CEP72: variants seen among roughly 807,000 people sequenced by gnomAD.
CEP72 encodes centrosomal protein 72.
CEP72 carries 78 observed loss-of-function variants against 65.7 expected under a neutral mutation model. The observed-to-expected ratio is 1.19, with a 90% CI of 0.99 to 1.43. The LOEUF (loss-of-function observed/expected upper bound fraction) is 1.43. Ranked by LOEUF, CEP72 falls within the 40% of genes most tolerant of loss-of-function variation. CEP72 has a pLI of 0.00. For missense variants in CEP72, 914 were observed against 832.9 expected (o/e 1.10, Z -1.20); for synonymous variants, 358 against 351.7 (o/e 1.02, Z -0.20).
downstream of CEP72, among the ~76,000 whole-genome samples, chr5:658,720 G>A (rs1023575051): frequency 8.0e-6 from 1 of 124,302 alleles, no homozygotes; most frequent in African/African-American, 3.1e-5. Flanking sequence ...CCAGGCTGGA[G>A]TGCAGTGGCG....
chr5:647,952 G>T, intron 11 of CEP72, 36 bp downstream of exon 11: 1 of 1,472,398 alleles, frequency 6.8e-7, no homozygotes, highest in East Asian at 2.3e-5. Context: ...GCCCCCGAGG[G>T]GAGGAGGCCC....
downstream of CEP72, among the ~76,000 whole-genome samples, chr5:671,914 G>C: frequency 6.6e-6 from 1 of 152,222 alleles, no homozygotes; most frequent in East Asian, 1.9e-4. Flanking sequence ...CCACGGGGGA[G>C]GGGGAGGGGA....
At position 653,040 on chromosome 5, in the gene CEP72, G is replaced by A. The variant is rs933066491; in HGVS notation, c.1831G>A (p.Ala611Thr). 1.9e-6 allele frequency: 3 copies of A among 1,613,826 alleles called. No individual in the cohort carries two copies. Reference sequence around the variant, plus strand: ...GCTGCAGGAGCTGAGCCAGGTGCGGGCGCAGCACAGAGCCGAGGTGGAGCA... The same window carrying A: ...GCTGCAGGAGCTGAGCCAGGTGCGGACGCAGCACAGAGCCGAGGTGGAGCA... The part of the protein sequence containing the change: ...HLLQELSQVR[A>T]QHRAEVEQMH... The change falls in exon 12 of 12, where the codon GCG becomes ACG. Residue 611 changes from alanine to threonine, a missense_variant. Physicochemically the swap from Ala to Thr is moderately conservative, Grantham distance 58 (BLOSUM62 0). Coordinates refer to ENST00000264935, the MANE Select transcript of CEP72 (RefSeq NM_018140.4).
In CEP72 at chr5:653,328, G is replaced by A. The variant is rs917436281; in HGVS notation, c.*175G>A. The A allele has an allele frequency of 3.4e-5, 19 of 551,822 alleles. No individual in the cohort carries two copies. The highest frequency in any genetic ancestry group is 2.8e-4 in the East Asian group (9 of 32,374). 34.2% of individuals were successfully genotyped at this position (551,822 alleles called of 1,614,324 possible). ...GTAGCTTGGTTTTCTAAAGCACCTC[G>A]TAAAATGATATGATTACTCCAAGCC... On this transcript the variant is annotated 3_prime_UTR_variant, in exon 12 of 12. Coordinates refer to ENST00000264935, the MANE Select transcript of CEP72 (RefSeq NM_018140.4).
chr5:634,838 G>A (rs1561044318), intron 5 of CEP72, among the ~76,000 whole-genome samples: 1 of 152,182 alleles, frequency 6.6e-6, no homozygotes, highest in African/African-American at 2.4e-5. Flanking sequence ...GTGCTTTGAA[G>A]AGCACAAGTT....
At chr5:672,479 C>A in the CEP72 span, among the ~76,000 whole-genome samples, 1 of 152,272 alleles carries the variant, frequency 6.6e-6, no homozygotes, top group African/African-American at 2.4e-5. Context: ...CAGCTGAGAC[C>A]GCAGCCCAGC....
chr5:667,943 T>C (rs60805661), downstream of CEP72, among the ~76,000 whole-genome samples: 29 of 38,030 alleles, frequency 7.6e-4, 2 homozygotes, highest in African/African-American at 2.9e-3. Flanking sequence ...GAGGGGGCCG[T>C]GTGGGCGCCG....
At chr5:648,700 AAT>A (rs1738627790) in intron 11 of CEP72, among the ~76,000 whole-genome samples, 1 of 97,720 alleles carries the variant, frequency 1.0e-5, no homozygotes, top group Non-Finnish European at 2.0e-5. Context: ...GTGAGGCGTG[AAT>A]GTGAGGCGTG....
intron 1 of CEP72, chr5:663,055 G>A (rs1278042460): frequency 6.6e-6 from 1 of 151,208 alleles, no homozygotes; most frequent in African/African-American, 2.5e-5. Context: ...CTGCTCGTCT[G>A]TGATCGGGTG....
downstream of CEP72, among the ~76,000 whole-genome samples, chr5:668,730 A>G (rs528734785): frequency 6.6e-6 from 1 of 152,358 alleles, no homozygotes; most frequent in African/African-American, 2.4e-5. Flanking sequence ...ACATAAACGC[A>G]AATGTTTACC....
chr5:626,523 T>G (rs905959918), intron 4 of CEP72, among the ~76,000 whole-genome samples: 1 of 152,242 alleles, frequency 6.6e-6, no homozygotes, highest in Non-Finnish European at 1.5e-5. Flanking sequence ...TGAAGGATTT[T>G]CAAACATTGA....
At chr5:675,766 G>C in the CEP72 span, 986 of 152,654 alleles carry the variant, frequency 6.5e-3, 9 homozygotes, top group Non-Finnish European at 9.0e-3. Flanking sequence ...TCCTGGGTTA[G>C]TGTGGGCTCC....
Position 625,387 on chromosome 5 carries a change from A to T in CEP72, c.512+808A>T, listed in dbSNP as rs556063404. 3.2e-4 allele frequency among the ~76,000 whole-genome samples: 49 copies of T among 152,174 alleles called. No homozygotes were observed. In the South Asian group the frequency reaches 9.9e-3, roughly 31 times the overall value. On this transcript the variant is annotated intron_variant, in intron 4 of 11. Transcript: ENST00000264935. ...CTCATTTTAAACTCCTAGTGCAGGG[A>T]TCAGTCAGCTTTTTTGTGTGAATGT...
intron 11 of CEP72, among the ~76,000 whole-genome samples, chr5:651,443 A>G (rs772528618): frequency 6.6e-6 from 1 of 151,854 alleles, no homozygotes; most frequent in Non-Finnish European, 1.5e-5. Flanking sequence ...TGACCAGGGG[A>G]GAGAGGTGCA....
rs1488433188 is a variant in CEP72, at chr5:653,396, C to A, written c.*243C>A. On this transcript the variant is annotated 3_prime_UTR_variant, in exon 12 of 12. Transcript: ENST00000264935. ...CAGAACACATTGACATATTTTGAGACAAACTGACTATTAATCTTGTATCCA... is the reference window on the plus strand; with the variant it reads ...CAGAACACATTGACATATTTTGAGAAAAACTGACTATTAATCTTGTATCCA... The A allele has an allele frequency of 1.8e-5, 7 of 380,960 alleles. No individual in the cohort carries two copies. The highest frequency in any genetic ancestry group is 3.3e-5 in the Non-Finnish European group (7 of 213,890). 23.6% of individuals were successfully genotyped at this position (380,960 alleles called of 1,614,324 possible).
chr5:671,520 G>C (rs1243996192), downstream of CEP72, among the ~76,000 whole-genome samples: 1 of 152,228 alleles, frequency 6.6e-6, no homozygotes, highest in Non-Finnish European at 1.5e-5. Context: ...AGGCTCATGG[G>C]GCAAAGTGGA....
At chr5:669,889 C>T (rs115963004), downstream of CEP72, among the ~76,000 whole-genome samples, 1,503 of 152,302 alleles carry the variant, frequency 9.9e-3, 31 homozygotes, top group African/African-American at 0.034. Context: ...CTGCCCGGCT[C>T]TCCTGACATA....
intron 4 of CEP72, among the ~76,000 whole-genome samples, chr5:628,753 A>AGCTTCTGGAGAACTCTGGTTGCC (rs1561037473): frequency 8.7e-5 from 4 of 45,800 alleles, no homozygotes; most frequent in African/African-American, 5.8e-4. Flanking sequence ...CTCAGGTTGC[A>AGCTTCTGGAGAACTCTGGTTGCC]GTCCCCGGGG....
At chr5:636,782 C>A (rs1328284223) in intron 6 of CEP72, among the ~76,000 whole-genome samples, 1 of 150,162 alleles carries the variant, frequency 6.7e-6, no homozygotes, top group Non-Finnish European at 1.5e-5. Context: ...TACACTCCAG[C>A]CTGGGCAATA....
Sources: allele counts gnomAD v4.1 joint callset (sites outside exome capture counted in the v4.1 genomes callset), GRCh38; gene constraint gnomAD v4.1.1; transcripts MANE v1.5; gene names NCBI Gene and HGNC (gene_info 2026-07-23, HGNC 2026-07-21).